Variants in PDGFRA observed in about 807,000 individuals in gnomAD.
PDGFRA encodes the protein platelet-derived growth factor receptor alpha.
In PDGFRA, 25 loss-of-function variants were observed where a neutral mutation model predicts 121.5. The observed-to-expected ratio is 0.21, with a 90% CI of 0.15 to 0.29. PDGFRA has a LOEUF of 0.29. PDGFRA is among the 10% of genes least tolerant of loss of function. PDGFRA has a pLI of 1.00. For missense variants in PDGFRA, 1,008 were observed against 1,345.1 expected (o/e 0.75, Z 3.92); for synonymous variants, 463 against 494.8 (o/e 0.94, Z 0.85).
chr4:54,241,545 T>G (rs552235594), intron 1 of PDGFRA, among the ~76,000 whole-genome samples: 1 of 151,686 alleles, frequency 6.6e-6, no homozygotes, highest in Admixed American at 6.6e-5. Context: ...ATTTATTTAT[T>G]TATTTATTTA....
chr4:54,270,020 T>G (rs1009002817), intron 7 of PDGFRA, among the ~76,000 whole-genome samples: 1 of 152,022 alleles, frequency 6.6e-6, no homozygotes, highest in African/African-American at 2.4e-5. Flanking sequence ...GAGAATGCAT[T>G]GTAAGAAGCC....
At chr4:54,267,499 C>T in intron 6 of PDGFRA, 39 bp downstream of exon 6, 2 of 1,613,488 alleles carry the variant, frequency 1.2e-6, no homozygotes, top group Non-Finnish European at 1.7e-6. Context: ...GTCCATGCTG[C>T]TCGGGATCCA....
At chr4:54,254,613 G>T (rs903471731) in intron 1 of PDGFRA, among the ~76,000 whole-genome samples, 2 of 152,182 alleles carry the variant, frequency 1.3e-5, no homozygotes, top group African/African-American at 4.8e-5. Flanking sequence ...AGAAATACGG[G>T]ATCTAAATGT....
At chr4:54,254,334 G>A (rs1266753500) in intron 1 of PDGFRA, among the ~76,000 whole-genome samples, 1 of 152,222 alleles carries the variant, frequency 6.6e-6, no homozygotes, top group Non-Finnish European at 1.5e-5. Context: ...ATCAGAGAAG[G>A]GAGTTTGGAA....
At chr4:54,287,960 G>C (rs1483857966) in intron 19 of PDGFRA, among the ~76,000 whole-genome samples, 1 of 152,108 alleles carries the variant, frequency 6.6e-6, no homozygotes, top group East Asian at 1.9e-4. Context: ...GAAGGGCAGG[G>C]CTCTCATTCC....
chr4:54,245,350 C>CT (rs1721578339), intron 1 of PDGFRA, among the ~76,000 whole-genome samples: 1 of 152,204 alleles, frequency 6.6e-6, no homozygotes, highest in African/African-American at 2.4e-5. Flanking sequence ...GCCCATCAGA[C>CT]TAACAGTGGA....
rs749430582 is a variant in PDGFRA, at chr4:54,263,754, C to T, written c.455C>T (p.Thr152Ile). ...DDDSAIIPCR[T>I]TDPETPVTLH... ...GATTCTGCCATTATACCTTGTCGCA[C>T]AACTGATCCCGAGACTCCTGTAACC... The change falls in exon 4 of 23, where the codon ACA becomes ATA. Residue 152 changes from threonine (T) to isoleucine (I), a missense_variant. This residue lies in a region of PDGFRA where 575 missense variants were observed against 701.8 expected (regional missense o/e 0.82). Coordinates refer to ENST00000257290, the MANE Select transcript of PDGFRA (RefSeq NM_006206.6). 6.8e-6 allele frequency: 11 copies of T among 1,613,898 alleles called. No homozygotes were observed.
intron 18 of PDGFRA, among the ~76,000 whole-genome samples, chr4:54,286,319 T>TTTTATTTA (rs144165770): frequency 9.6e-4 from 141 of 146,402 alleles, no homozygotes; most frequent in Admixed American, 1.6e-3. Context: ...ATGTTAGCTA[T>TTTTATTTA]TTTATTTATT....
At chr4:54,237,112 G>A (rs1721060191) in intron 1 of PDGFRA, among the ~76,000 whole-genome samples, 1 of 152,092 alleles carries the variant, frequency 6.6e-6, no homozygotes, top group Non-Finnish European at 1.5e-5. Context: ...GGGATTATAG[G>A]TACCTGCCGC....
At chr4:54,290,029 C>T (rs1049773003) in intron 21 of PDGFRA, among the ~76,000 whole-genome samples, 8 of 152,212 alleles carry the variant, frequency 5.3e-5, no homozygotes, top group Admixed American at 3.3e-4. Flanking sequence ...GGAAAGGCAA[C>T]GTGATGGGGA....
chr4:54,260,159 C>A (rs138961200), intron 2 of PDGFRA, among the ~76,000 whole-genome samples: 1 of 152,034 alleles, frequency 6.6e-6, no homozygotes, highest in South Asian at 2.1e-4. Flanking sequence ...AATTAAAATC[C>A]GTATCATCTG....
intron 8 of PDGFRA, among the ~76,000 whole-genome samples, chr4:54,271,980 CCCCCTCCCCTCCCCCCTCCCCCCCT>C (rs1479185302): frequency 0.12 from 171 of 1,372 alleles, 6 homozygotes; most frequent in African/African-American, 0.32. Context: ...CCCCTCCCCT[CCCCCTCCCCTCCCCCCTCCCCCCCT>C]CCCCTCCCCT....
chr4:54,246,516 G>A (rs1487202524), intron 1 of PDGFRA, among the ~76,000 whole-genome samples: 7 of 152,060 alleles, frequency 4.6e-5, no homozygotes, highest in East Asian at 1.9e-4. Flanking sequence ...TCTTTGAACC[G>A]ACGAGAACAA....
intron 16 of PDGFRA, chr4:54,280,737 G>T: frequency 1.2e-5 from 4 of 321,222 alleles, no homozygotes; most frequent in South Asian, 1.2e-4. Context: ...TTTTCTTGGT[G>T]TGTTCCTGCA....
intron 1 of PDGFRA, among the ~76,000 whole-genome samples, chr4:54,249,580 A>C (rs533432999): frequency 6.6e-6 from 1 of 150,572 alleles, no homozygotes; most frequent in Non-Finnish European, 1.5e-5. Context: ...TGGGAATTGA[A>C]CAATGAGAAC....
In PDGFRA at chr4:54,290,363, G is replaced by A. The variant is rs748227312; in HGVS notation, c.2931G>A (p.Val977=). 3 of 1,612,124 alleles carry A rather than the reference G, an allele frequency of 1.9e-6. No homozygotes were observed. Among genetic ancestry groups the A allele is most frequent in the South Asian group, 2.2e-5 (2 of 91,042 alleles). The change falls in exon 22 of 23, where the codon GTG becomes GTA. Residue 977 remains valine, a synonymous_variant. Transcript: ENST00000257290. ...TCCTGAAGAGTGACCATCCTGCTGTGGCACGCATGCGTGTGGACTCAGACA... is the reference window on the plus strand; with the variant it reads ...TCCTGAAGAGTGACCATCCTGCTGTAGCACGCATGCGTGTGGACTCAGACA... The part of the protein sequence containing the change: ...LDFLKSDHPA[V]ARMRVDSDNA...
chr4:54,272,294 A>G (rs548456580), intron 8 of PDGFRA, 100 bp from the exon 9 acceptor site: 186 of 1,321,222 alleles, frequency 1.4e-4, no homozygotes, highest in Admixed American at 3.4e-4. Flanking sequence ...GAGTGTTTTG[A>G]ATGCCATGTA....
chr4:54,279,014 C>T (rs1236552085), intron 15 of PDGFRA: 1 of 357,378 alleles, frequency 2.8e-6, no homozygotes, highest in African/African-American at 2.1e-5. Flanking sequence ...GAATTCACTT[C>T]ATAATAAATT....
intron 1 of PDGFRA, among the ~76,000 whole-genome samples, chr4:54,233,425 G>C (rs938358072): frequency 6.6e-6 from 1 of 152,230 alleles, no homozygotes; most frequent in African/African-American, 2.4e-5. Context: ...GGCTGCGGGC[G>C]AGCTAGCTGG....
Sources: gnomAD v4.1 joint callset for allele counts (sites outside exome capture counted in the v4.1 genomes callset) on GRCh38, gnomAD v4.1.1 for gene constraint, gnomAD v4.1.1 regional missense constraint, MANE v1.5 for transcripts, NCBI Gene and HGNC (gene_info 2026-07-23, HGNC 2026-07-21) for gene names.